PKIB: variants seen among roughly 807,000 people sequenced by gnomAD.
PKIB encodes the protein PKI-beta.
PKIB carries 2 observed loss-of-function variants against 4.5 expected under a neutral mutation model. The observed-to-expected ratio is 0.44, with a 90% CI of 0.18 to 1.39. The LOEUF (loss-of-function observed/expected upper bound fraction) is 1.39, where lower values mean the gene tolerates loss of function less well. PKIB is among the 40% of genes most tolerant of loss of function. PKIB has a pLI of 0.27. For missense variants in PKIB, 94 were observed against 92.6 expected, an observed-to-expected ratio of 1.02 and a Z score of -0.06; for synonymous variants, 38 against 36.0, an observed-to-expected ratio of 1.06 and a Z score of -0.20.
chr6:122,586,559 A>C (rs1773853643), intron 3 of PKIB, among the ~76,000 whole-genome samples: 1 of 152,146 alleles, frequency 6.6e-6, no homozygotes, highest in South Asian at 2.1e-4. Flanking sequence ...ATCTTGAAAA[A>C]TGTGGATTAA....
intron 2 of PKIB, among the ~76,000 whole-genome samples, chr6:122,574,443 C>T (rs898144972): frequency 1.3e-5 from 2 of 152,016 alleles, no homozygotes; most frequent in Non-Finnish European, 2.9e-5. Context: ...ACAAAAGAGC[C>T]TATAGCCAAA....
chr6:122,537,453 A>C (rs1256731593), intron 2 of PKIB, among the ~76,000 whole-genome samples: 1 of 152,026 alleles, frequency 6.6e-6, no homozygotes, highest in East Asian at 1.9e-4. Flanking sequence ...TCCTTGTGAT[A>C]GTTTGCTGAG....
chr6:122,699,489 TGCA>T (rs56654080), intron 3 of PKIB, among the ~76,000 whole-genome samples: 150,247 of 152,034 alleles, frequency 0.99, 74,263 homozygotes, highest in South Asian at 1. Flanking sequence ...GCATTAAGGT[TGCA>T]GCAGTCTACT....
intron 2 of PKIB, among the ~76,000 whole-genome samples, chr6:122,565,940 T>A (rs1403498394): frequency 6.6e-6 from 1 of 152,348 alleles, no homozygotes; most frequent in African/African-American, 2.4e-5. Flanking sequence ...CTGTTTTCCT[T>A]TGACTTTTCT....
chr6:122,703,914 A>ATGTG (rs201938311), intron 3 of PKIB, among the ~76,000 whole-genome samples: 15 of 142,084 alleles, frequency 1.1e-4, no homozygotes, highest in African/African-American at 3.9e-4. Flanking sequence ...CGCTATATAT[A>ATGTG]TATGTGTGTA....
chr6:122,690,921 TATA>T (rs1562303906), intron 3 of PKIB, among the ~76,000 whole-genome samples: 5 of 132,394 alleles, frequency 3.8e-5, no homozygotes, highest in African/African-American at 8.9e-5. Context: ...GAAGGATATA[TATA>T]TATATATATT....
intron 2 of PKIB, among the ~76,000 whole-genome samples, chr6:122,572,184 TA>T (rs1226878879): frequency 6.6e-6 from 1 of 151,570 alleles, no homozygotes; most frequent in Admixed American, 6.6e-5. Flanking sequence ...AACAATACAA[TA>T]AAAAAAGACA....
intron 2 of PKIB, among the ~76,000 whole-genome samples, chr6:122,576,916 T>C (rs538994213): frequency 6.6e-6 from 1 of 151,822 alleles, no homozygotes; most frequent in Admixed American, 6.6e-5. Flanking sequence ...GAAATAAATA[T>C]GACATTTTAA....
At chr6:122,585,028 A>G (rs1339114066) in intron 2 of PKIB, among the ~76,000 whole-genome samples, 1 of 152,110 alleles carries the variant, frequency 6.6e-6, no homozygotes, top group African/African-American at 2.4e-5. Context: ...TTTCTGCATA[A>G]TCTGTCCCTT....
At chr6:122,626,690 C>G (rs1487016572) in intron 1 of PKIB, among the ~76,000 whole-genome samples, 1 of 152,146 alleles carries the variant, frequency 6.6e-6, no homozygotes, top group Non-Finnish European at 1.5e-5. Context: ...CTATTTATTG[C>G]TAGCCCTATG....
chr6:122,599,468 A>G (rs1397709621), intron 3 of PKIB, among the ~76,000 whole-genome samples: 3 of 152,100 alleles, frequency 2.0e-5, no homozygotes, highest in Admixed American at 1.3e-4. Flanking sequence ...ATAAGAGCTT[A>G]TATCTGTTTT....
chr6:122,718,234 T>C (rs966482814), intron 4 of PKIB, among the ~76,000 whole-genome samples: 1 of 152,220 alleles, frequency 6.6e-6, no homozygotes, highest in African/African-American at 2.4e-5. Flanking sequence ...TAATTGGGAA[T>C]ACAAAGGTGA....
At chr6:122,500,127 G>T (rs912953447) in intron 2 of PKIB, among the ~76,000 whole-genome samples, 1 of 152,094 alleles carries the variant, frequency 6.6e-6, no homozygotes, top group African/African-American at 2.4e-5. Flanking sequence ...ACTTCCCAGA[G>T]AAATCTATGG....
chr6:122,472,009 G>T, exon 1 of PKIB: 1 of 706,306 alleles, frequency 1.4e-6, no homozygotes, highest in Non-Finnish European at 2.2e-6. Context: ...GGCTAATGTG[G>T]ATCTGACCGT....
intron 3 of PKIB, among the ~76,000 whole-genome samples, chr6:122,707,934 A>G (rs1779127168): frequency 6.6e-6 from 1 of 150,588 alleles, no homozygotes; most frequent in Non-Finnish European, 1.5e-5. Flanking sequence ...AACAACAAGC[A>G]TATATTAATG....
intron 2 of PKIB, chr6:122,483,884 T>C (rs1487255502): frequency 4.6e-5 from 7 of 152,188 alleles, no homozygotes; most frequent in Admixed American, 4.6e-4. Flanking sequence ...ACAGAGAGCT[T>C]TTCTTGTATC....
At chr6:122,543,181 C>G (rs753175272) in intron 2 of PKIB, among the ~76,000 whole-genome samples, 2 of 152,008 alleles carry the variant, frequency 1.3e-5, no homozygotes, top group Non-Finnish European at 2.9e-5. Context: ...GAGGCAATGC[C>G]TCGCCCTGCT....
intron 3 of PKIB, among the ~76,000 whole-genome samples, chr6:122,707,486 T>C (rs1779108741): frequency 6.6e-6 from 1 of 152,062 alleles, no homozygotes; most frequent in African/African-American, 2.4e-5. Context: ...CTACCGAAAC[T>C]GTGGGTGCAT....
intron 3 of PKIB, among the ~76,000 whole-genome samples, chr6:122,593,167 T>C (rs1774066472): frequency 6.6e-6 from 1 of 152,196 alleles, no homozygotes; most frequent in South Asian, 2.1e-4. Flanking sequence ...CAACTGTGTC[T>C]ACAGATTTGT....
Sources: gnomAD v4.1 joint callset for allele counts (sites outside exome capture counted in the v4.1 genomes callset) on GRCh38, gnomAD v4.1.1 for gene constraint, MANE v1.5 for transcripts, NCBI Gene and HGNC (gene_info 2026-07-23, HGNC 2026-07-21) for gene names.